PCDHA4: variants seen among roughly 807,000 people sequenced by gnomAD.
PCDHA4 encodes the protein protocadherin alpha 4.
PCDHA4 carries 49 observed loss-of-function variants against 61.4 expected under a neutral mutation model. The observed-to-expected ratio is 0.80, with a 90% confidence interval of 0.63 to 1.01. The LOEUF is 1.01. Among genes scored for constraint, PCDHA4 ranks in the 50% least tolerant of loss-of-function variants. The pLI is 0.00. For missense variants in PCDHA4, 1,254 were observed against 1,235.8 expected (o/e 1.01, Z -0.22); for synonymous variants, 590 against 550.3 (o/e 1.07, Z -1.01).
intron 1 of PCDHA4, among the ~76,000 whole-genome samples, chr5:140,935,702 T>C (rs975188692): frequency 1.3e-5 from 2 of 152,152 alleles, no homozygotes; most frequent in Admixed American, 1.3e-4. Context: ...AATAAACTTA[T>C]AAAACAAAAT....
intron 1 of PCDHA4, chr5:140,849,282 C>T: frequency 8.4e-7 from 1 of 1,191,290 alleles, no homozygotes; most frequent in Non-Finnish European, 1.2e-6. Context: ...GCTGGTGATT[C>T]ACCCCAATGC....
At chr5:140,847,654 T>C (rs1037427370) in intron 1 of PCDHA4, 3 of 149,736 alleles carry the variant, frequency 2.0e-5, no homozygotes, top group South Asian at 2.1e-4. Flanking sequence ...AGATTATTCA[T>C]AGATTATAAA....
intron 3 of PCDHA4, among the ~76,000 whole-genome samples, chr5:141,000,417 A>ATT (rs1563652061): frequency 3.2e-4 from 25 of 77,724 alleles, no homozygotes; most frequent in African/African-American, 1.1e-3. Context: ...ATATATATAT[A>ATT]TATATTTTTT....
chr5:140,875,918 A>T, intron 1 of PCDHA4: 1 of 1,613,782 alleles, frequency 6.2e-7, no homozygotes, highest in Non-Finnish European at 8.5e-7. Flanking sequence ...GCGCCTCTGG[A>T]CTCTCATTTT....
At chr5:140,938,727 G>GA (rs2092176789) in intron 1 of PCDHA4, among the ~76,000 whole-genome samples, 1 of 151,904 alleles carries the variant, frequency 6.6e-6, no homozygotes, top group South Asian at 2.1e-4. Flanking sequence ...CGTTTCTACA[G>GA]AAAAAAATAA....
At chr5:140,997,465 A>G (rs1427334533) in intron 3 of PCDHA4, among the ~76,000 whole-genome samples, 1 of 152,182 alleles carries the variant, frequency 6.6e-6, no homozygotes, top group Non-Finnish European at 1.5e-5. Flanking sequence ...ACTGTAGGCA[A>G]TTTTTACACA....
At chr5:141,003,609 G>A (rs2098131688) in intron 3 of PCDHA4, among the ~76,000 whole-genome samples, 1 of 151,970 alleles carries the variant, frequency 6.6e-6, no homozygotes, top group Non-Finnish European at 1.5e-5. Context: ...CACCATTCCC[G>A]GCCCCAGAGG....
At position 140,963,044 on chromosome 5, in the gene PCDHA4, T is replaced by C. The variant is rs144557802; in HGVS notation, c.2386-15905T>C. On this transcript the variant is annotated intron_variant, in intron 1 of 3. Transcript: ENST00000530339. The stretch of plus-strand genomic sequence containing the variant: ...AAGCAATTAACATTTATTGAGAGTC[T>C]ATAAGGGTTTCTACATTGTGAAGGA... Among the ~76,000 whole-genome samples the C allele has an allele frequency of 9.3e-4, 141 of 152,294 alleles. 1 individual carries two copies. Among genetic ancestry groups the C allele is most frequent in the African/African-American group, 2.9e-3 (121 of 41,576 alleles).
chr5:140,823,950 G>A, intron 1 of PCDHA4: 1 of 1,614,000 alleles, frequency 6.2e-7, no homozygotes, highest in South Asian at 1.1e-5. Flanking sequence ...GCTCGGCGCA[G>A]CCCACCGAGG....
At chr5:140,876,098 A>G in intron 1 of PCDHA4, 2 of 1,613,962 alleles carry the variant, frequency 1.2e-6, no homozygotes, top group Non-Finnish European at 1.7e-6. Flanking sequence ...CCAAAACTCA[A>G]TTTATTGCTG....
chr5:140,965,879 G>C (rs920261632), intron 1 of PCDHA4, among the ~76,000 whole-genome samples: 1 of 152,216 alleles, frequency 6.6e-6, no homozygotes, highest in Non-Finnish European at 1.5e-5. Flanking sequence ...ACTTGGCCGA[G>C]AGCAGAATTG....
rs527638271 is a variant in PCDHA4, at chr5:140,882,967, G to A, written c.2385+73395G>A. 3.1e-4 allele frequency: 497 copies of A among 1,614,172 alleles called. 6 individuals are homozygous for A. In the South Asian group the frequency reaches 5.0e-3, roughly 16 times the overall value. On this transcript the variant is annotated intron_variant, in intron 1 of 3. Transcript: ENST00000530339. Reference sequence around the variant, plus strand: ...CAGTTCAGCTGCTCATCACGATTCTGGACGTGAATGACAACGCCCCGGAAT... The same window carrying A: ...CAGTTCAGCTGCTCATCACGATTCTAGACGTGAATGACAACGCCCCGGAAT...
intron 1 of PCDHA4, among the ~76,000 whole-genome samples, chr5:140,878,696 A>G (rs570754583): frequency 6.6e-6 from 1 of 152,360 alleles, no homozygotes; most frequent in East Asian, 1.9e-4. Context: ...TACATACCCC[A>G]GCCTGGTAGT....
intron 1 of PCDHA4, chr5:140,875,574 C>A (rs368911944): frequency 2.2e-5 from 35 of 1,613,978 alleles, no homozygotes; most frequent in East Asian, 6.7e-5. Context: ...TCCACTACTC[C>A]GTCTACGAGG....
chr5:140,909,996 T>G (rs549464312), intron 1 of PCDHA4, among the ~76,000 whole-genome samples: 5 of 152,310 alleles, frequency 3.3e-5, no homozygotes, highest in African/African-American at 1.2e-4. Context: ...ACAGCATAAA[T>G]TGTTGTCAGT....
chr5:140,862,306 C>G (rs184682479), intron 1 of PCDHA4: 1 of 279,556 alleles, frequency 3.6e-6, no homozygotes, highest in East Asian at 8.6e-5. Context: ...CACTGGGTAC[C>G]GTCATAGCCC....
chr5:140,849,845 C>G (rs2150453241), intron 1 of PCDHA4: 1 of 1,598,630 alleles, frequency 6.3e-7, no homozygotes, highest in East Asian at 2.2e-5. Context: ...ACGTGAACGA[C>G]AACGCACCAG....
chr5:140,884,579 G>A (rs1035826331), intron 1 of PCDHA4: 5 of 1,614,058 alleles, frequency 3.1e-6, no homozygotes, highest in Admixed American at 1.7e-5. Flanking sequence ...GGACCTCATG[G>A]CCTTCAGTCC....
chr5:140,834,402 T>A (rs2150216661), intron 1 of PCDHA4: 1 of 1,606,068 alleles, frequency 6.2e-7, no homozygotes, highest in Non-Finnish European at 8.5e-7. Context: ...CCCGAATGGA[T>A]ACGACCCAGG....
Sources: allele counts gnomAD v4.1 joint callset (sites outside exome capture counted in the v4.1 genomes callset), GRCh38; gene constraint gnomAD v4.1.1; transcripts MANE v1.5; gene names NCBI Gene and HGNC (gene_info 2026-07-23, HGNC 2026-07-21).